The following DNAH11 variants were observed in gnomAD, a reference collection of about 807,000 sequenced individuals.
DNAH11 encodes dynein axonemal heavy chain 11, also known as axonemal beta dynein heavy chain 11.
Under a neutral mutation model 526.0 loss-of-function variants are expected in DNAH11, and 442 were observed. That is an observed-to-expected ratio of 0.84 (90% CI 0.78 to 0.91). The LOEUF (loss-of-function observed/expected upper bound fraction) is 0.91, where lower values mean the gene tolerates loss of function less well. Ranked by LOEUF, DNAH11 falls within the 40% of genes least tolerant of loss-of-function variation. The pLI, the probability that DNAH11 is intolerant of heterozygous loss-of-function variation, is 0.00. For missense variants in DNAH11, 6,989 were observed against 5,448.7 expected, an observed-to-expected ratio of 1.28 and a Z score of -8.90; for synonymous variants, 2,461 against 1,935.9, an observed-to-expected ratio of 1.27 and a Z score of -7.12.
At chr7:21,700,792 A>C (rs892424011) in intron 36 of DNAH11, among the ~76,000 whole-genome samples, 1 of 152,210 alleles carries the variant, frequency 6.6e-6, no homozygotes, top group Admixed American at 6.5e-5. Flanking sequence ...AAAAAGGATG[A>C]GTTCATGTCC....
At position 21,571,973 on chromosome 7, in the gene DNAH11, G is replaced by T; in HGVS notation, c.1593G>T (p.Met531Ile). The change falls in exon 8 of 82, where the codon ATG (methionine) becomes ATT (isoleucine). Residue 531 changes from methionine (M) to isoleucine (I), a missense_variant and splice_region_variant. Met to Ile is a conservative substitution (Grantham distance 10, BLOSUM62 1). Coordinates refer to ENST00000409508, the MANE Select transcript of DNAH11 (RefSeq NM_001277115.2). ...STYDPSDCTN[M>I]EFESDYVAFK... ...ATGACCCATCTGATTGCACTAACAT[G>T]GTAATGTTGTACCTTTGCATTTTCA... The T allele has an allele frequency of 6.5e-7, 1 of 1,542,232 alleles. No individual in the cohort carries two copies. Among genetic ancestry groups the T allele is most frequent in the East Asian group, 2.3e-5 (1 of 43,106 alleles).
rs73683005 is a variant in DNAH11 at position 21,892,529 on chromosome 7, G to T, written c.12612G>T (p.Pro4204=). Residue 4204 remains proline (P), a synonymous_variant, in exon 77 of 82, where the codon CCG becomes CCT. Coordinates refer to ENST00000409508, the MANE Select transcript of DNAH11 (RefSeq NM_001277115.2). The part of the protein sequence containing the change: ...YIEEMLPPES[P]ALYGLHPNAE... ...AGGAGATGCTTCCTCCAGAAAGCCC[G>T]GCACTGTATGGCCTCCACCCAAATG... The T allele has an allele frequency of 4.3e-4, 689 of 1,613,872 alleles. 4 individuals carry two copies. The African/African-American group carries it at 7.3e-3, about 17-fold the overall frequency.
intron 30 of DNAH11, among the ~76,000 whole-genome samples, chr7:21,660,733 G>A (rs17144920): frequency 0.087 from 13,234 of 151,822 alleles, 743 homozygotes; most frequent in African/African-American, 0.16. Flanking sequence ...GTATAAACAT[G>A]TATAAATCTG....
At chr7:21,871,879 T>C (rs543594114) in intron 73 of DNAH11, among the ~76,000 whole-genome samples, 2 of 151,720 alleles carry the variant, frequency 1.3e-5, no homozygotes, top group Non-Finnish European at 1.5e-5. Context: ...TCCCAGCACT[T>C]TGGGAGGCCG....
chr7:21,559,742 C>T lies in DNAH11; in HGVS notation c.832C>T (p.Leu278=). 6.2e-7 allele frequency: 1 copy of T among 1,608,802 alleles called. No homozygotes were observed. The highest frequency in any genetic ancestry group is 1.3e-5 in the African/African-American group (1 of 74,986). Residue 278 remains leucine (L), a synonymous_variant, in exon 4 of 82, where the codon CTA becomes TTA. Coordinates refer to ENST00000409508, the MANE Select transcript of DNAH11 (RefSeq NM_001277115.2). ...NGLHLSPQAE[L]DFWMMRRENL... Reference sequence around the variant, plus strand: ...TCTTCACTTGTCTCCTCAAGCAGAACTAGATTTCTGGATGATGAGGAGAGA... The same window carrying T: ...TCTTCACTTGTCTCCTCAAGCAGAATTAGATTTCTGGATGATGAGGAGAGA...
In DNAH11 at chr7:21,901,180, A is replaced by ACCTTC; in HGVS notation, c.13478_13482dup (p.Arg4495ProfsTer4). On this transcript the variant is annotated frameshift_variant, in exon 82 of 82. Coordinates refer to ENST00000409508, the MANE Select transcript of DNAH11 (RefSeq NM_001277115.2). LOFTEE classifies it high-confidence loss of function. ...ACTGAGAGGCCCCAGCTACATCTGG[A>ACCTTC]CCTTCAGGCTGAAGAGCGAAGAGAA... The ACCTTC allele has an allele frequency of 6.2e-7, 1 of 1,613,988 alleles. No individual in the cohort carries two copies. The highest frequency in any genetic ancestry group is 8.5e-7 in the Non-Finnish European group (1 of 1,179,862).
Position 21,658,794 on chromosome 7 carries a change from A to T in DNAH11, c.5095-4A>T, listed in dbSNP as rs1782125278. On this transcript the variant is annotated splice_region_variant and splice_polypyrimidine_tract_variant and intron_variant, in intron 29 of 81. Transcript: ENST00000409508. ...TGTTATAACATTTCAACTTGCTTCC[A>T]AAGGTGGAAACATGGCTTCTGCAAC... The T allele has an allele frequency of 1.3e-6, 2 of 1,564,246 alleles. No individual in the cohort carries two copies. The highest frequency in any genetic ancestry group is 4.6e-5 in the East Asian group (2 of 43,024).
chr7:21,882,295 C>T (rs1348973300), intron 75 of DNAH11, among the ~76,000 whole-genome samples: 3 of 152,098 alleles, frequency 2.0e-5, no homozygotes, highest in Non-Finnish European at 4.4e-5. Context: ...TTTTTTCATC[C>T]TGGGGCTCCA....
intron 6 of DNAH11, among the ~76,000 whole-genome samples, chr7:21,569,487 C>T (rs1222541791): frequency 6.6e-6 from 1 of 152,102 alleles, no homozygotes; most frequent in Non-Finnish European, 1.5e-5. Flanking sequence ...TTATCCTTCT[C>T]CTCTCTTCCT....
intron 61 of DNAH11, among the ~76,000 whole-genome samples, chr7:21,790,125 A>G (rs1006054800): frequency 3.3e-5 from 5 of 151,964 alleles, no homozygotes; most frequent in Non-Finnish European, 7.4e-5. Context: ...AGAATTTACC[A>G]TGGTACTTGG....
chr7:21,601,767 C>T, intron 18 of DNAH11, 149 bp downstream of exon 18: 1 of 555,200 alleles, frequency 1.8e-6, no homozygotes, highest in Non-Finnish European at 2.7e-6. Context: ...GAATCTGATA[C>T]TTAAGGAGAT....
chr7:21,623,175 A>G (rs1044814969), intron 25 of DNAH11, among the ~76,000 whole-genome samples: 3 of 152,240 alleles, frequency 2.0e-5, no homozygotes, highest in African/African-American at 7.2e-5. Flanking sequence ...GACACTTCTC[A>G]AAAGAAGACA....
intron 8 of DNAH11, among the ~76,000 whole-genome samples, chr7:21,576,953 C>CA (rs1024299567): frequency 1.9e-4 from 29 of 151,526 alleles, no homozygotes; most frequent in South Asian, 1.0e-3. Flanking sequence ...AAAAACAAAA[C>CA]AAAAAAAACA....
At chr7:21,675,491 T>C (rs904419880) in intron 30 of DNAH11, among the ~76,000 whole-genome samples, 1 of 152,250 alleles carries the variant, frequency 6.6e-6, no homozygotes, top group African/African-American at 2.4e-5. Flanking sequence ...CTTATTTCTG[T>C]GTGCTGTCAG....
Position 21,880,798 on chromosome 7 carries a change from G to T in DNAH11, c.12292G>T (p.Gly4098Cys). ...HACVAGRLRF[G>C]PQGWSRSYPF... ...CTGTGTTGCTGGGAGACTGAGGTTT[G>T]GCCCCCAGGGCTGGAGCCGAAGCTA... is the stretch of plus-strand genomic sequence containing the variant. The change falls in exon 75 of 82, where the codon GGC becomes TGC. Residue 4098 changes from glycine to cysteine, a missense_variant. Physicochemically the swap from Gly to Cys is radical, Grantham distance 159. Transcript: ENST00000409508. 1 of 1,613,972 alleles carries T rather than the reference G, an allele frequency of 6.2e-7. No individual in the cohort carries two copies. The highest frequency in any genetic ancestry group is 8.5e-7 in the Non-Finnish European group (1 of 1,179,890).
intron 55 of DNAH11, among the ~76,000 whole-genome samples, chr7:21,769,199 C>A (rs527323874): frequency 1.3e-5 from 2 of 152,330 alleles, no homozygotes; most frequent in South Asian, 4.2e-4. Context: ...TTAAGCATAT[C>A]TTCAGATGGC....
intron 68 of DNAH11, among the ~76,000 whole-genome samples, chr7:21,860,138 A>G (rs1446176689): frequency 6.6e-6 from 1 of 152,084 alleles, no homozygotes; most frequent in Admixed American, 6.6e-5. Context: ...ACTCCACCGC[A>G]CTCCAGGCTG....
chr7:21,601,650 C>A, intron 18 of DNAH11, 32 bp downstream of exon 18: 6 of 1,463,036 alleles, frequency 4.1e-6, no homozygotes, highest in Non-Finnish European at 5.5e-6. Flanking sequence ...TCATAATTAC[C>A]ATAAATTGAG....
At chr7:21,743,111 T>C (rs965183300) in intron 49 of DNAH11, among the ~76,000 whole-genome samples, 1 of 152,188 alleles carries the variant, frequency 6.6e-6, no homozygotes, top group Non-Finnish European at 1.5e-5. Flanking sequence ...GGCAATTAAG[T>C]TTCAAGACAT....
Sources: gnomAD v4.1 joint callset for allele counts (sites outside exome capture counted in the v4.1 genomes callset) on GRCh38, gnomAD v4.1.1 for gene constraint, MANE v1.5 for transcripts, NCBI Gene and HGNC (gene_info 2026-07-23, HGNC 2026-07-21) for gene names.